CRTAP: variants seen among roughly 807,000 people sequenced by gnomAD.
CRTAP encodes cartilage associated protein, also known as cartilage-associated protein.
CRTAP carries 33 observed loss-of-function variants against 42.7 expected under a neutral mutation model. The observed-to-expected ratio is 0.77, with a 90% CI of 0.59 to 1.03. CRTAP has a LOEUF of 1.03. Ranked by LOEUF, CRTAP falls within the 50% of genes least tolerant of loss-of-function variation. The probability of loss-of-function intolerance (pLI) is 0.00; values close to 1 mark genes in which losing one functional copy is unlikely to be tolerated. For missense variants in CRTAP, 613 were observed against 533.9 expected (o/e 1.15, Z -1.46); for synonymous variants, 243 against 217.7 (o/e 1.12, Z -1.02).
chr3:33,117,951 C>T (rs1194103846), intron 1 of CRTAP, among the ~76,000 whole-genome samples: 2 of 143,720 alleles, frequency 1.4e-5, no homozygotes, highest in African/African-American at 2.6e-5. Context: ...TCTTTCTATT[C>T]CTTTCTTTCT....
chr3:33,139,498 C>T (rs541326937), intron 6 of CRTAP, among the ~76,000 whole-genome samples: 23 of 136,476 alleles, frequency 1.7e-4, no homozygotes, highest in South Asian at 4.7e-4. Context: ...TTTTTTGAGA[C>T]GGAGTTTCAC....
chr3:33,119,575 T>G (rs1236600046), intron 1 of CRTAP, among the ~76,000 whole-genome samples: 1 of 152,172 alleles, frequency 6.6e-6, no homozygotes, highest in Non-Finnish European at 1.5e-5. Context: ...CGTTTATTGC[T>G]GCATGAATGG....
chr3:33,133,689 T>C (rs2030339428), intron 5 of CRTAP, among the ~76,000 whole-genome samples: 1 of 152,250 alleles, frequency 6.6e-6, no homozygotes, highest in Non-Finnish European at 1.5e-5. Context: ...TGACAATTTG[T>C]CGTGAATATT....
chr3:33,134,392 TC>T (rs1218031100), intron 6 of CRTAP, 127 bp downstream of exon 6: 3 of 726,538 alleles, frequency 4.1e-6, no homozygotes, highest in Non-Finnish European at 7.5e-6. Context: ...GAAAGACAGT[TC>T]CTGTGGGTGT....
intron 6 of CRTAP, among the ~76,000 whole-genome samples, chr3:33,136,876 A>T (rs1305699612): frequency 2.0e-5 from 3 of 152,078 alleles, no homozygotes; most frequent in Non-Finnish European, 4.4e-5. Flanking sequence ...TTTCAACATG[A>T]GATTTGGAGG....
In CRTAP at chr3:33,142,558, A is replaced by G; in HGVS notation, c.*110A>G. On this transcript the variant is annotated 3_prime_UTR_variant, in exon 7 of 7. Coordinates refer to ENST00000320954, the MANE Select transcript of CRTAP (RefSeq NM_006371.5). ...CCTCAGAGCCTTCTCTTTACTCTCC[A>G]AAGTGAAAGGGAAGCCCCCGTCTCT... 9.4e-7 allele frequency: 1 copy of G among 1,063,290 alleles called. No individual in the cohort carries two copies. The highest frequency in any genetic ancestry group is 1.3e-5 in the South Asian group (1 of 76,858). 65.9% of individuals were successfully genotyped at this position (1,063,290 alleles called of 1,614,324 possible).
chr3:33,129,916 A>G, intron 3 of CRTAP, 23 bp from the exon 4 acceptor site: 1 of 1,610,278 alleles, frequency 6.2e-7, no homozygotes, highest in Non-Finnish European at 8.5e-7. Context: ...CACTGCTCTG[A>G]AAATTTATAT....
intron 2 of CRTAP, among the ~76,000 whole-genome samples, chr3:33,122,269 CCTT>C (rs1391928276): frequency 6.6e-6 from 1 of 151,854 alleles, no homozygotes; most frequent in African/African-American, 2.4e-5. Context: ...TCTGCTTGGT[CCTT>C]CTTGCTGCTG....
chr3:33,140,264 G>A (rs1042821267), intron 6 of CRTAP, among the ~76,000 whole-genome samples: 3 of 152,158 alleles, frequency 2.0e-5, no homozygotes, highest in Admixed American at 1.3e-4. Flanking sequence ...TAATGAACAC[G>A]CCAAGCTTAT....
chr3:33,123,966 C>A (rs1278502264), intron 2 of CRTAP, among the ~76,000 whole-genome samples: 3 of 152,178 alleles, frequency 2.0e-5, no homozygotes, highest in Admixed American at 2.0e-4. Context: ...ATATATTTAT[C>A]AATTTTAAGT....
At position 33,124,559 on chromosome 3, in the gene CRTAP, A is replaced by G. The variant is rs962824747; in HGVS notation, c.773A>G (p.Asp258Gly). ...TCCAGGGAGATCAAGGACTTCAAGG[A>G]TTTCTACCTTTCCATAGCAGGTTGG... ...EGSREIKDFK[D>G]FYLSIADHYV... Residue 258 changes from aspartate to glycine, a missense_variant, in exon 3 of 7, where the codon GAT becomes GGT. Asp to Gly is a moderately conservative substitution (Grantham distance 94, BLOSUM62 -1). Transcript: ENST00000320954. 5 of 1,614,050 alleles carry G rather than the reference A, an allele frequency of 3.1e-6. No individual in the cohort carries two copies. The highest frequency in any genetic ancestry group is 3.4e-6 in the Non-Finnish European group (4 of 1,180,032).
intron 6 of CRTAP, among the ~76,000 whole-genome samples, chr3:33,137,235 G>C (rs1477246192): frequency 1.3e-5 from 2 of 152,070 alleles, no homozygotes; most frequent in Non-Finnish European, 2.9e-5. Flanking sequence ...CCGCCTCCCA[G>C]GTTCAAGTGA....
At position 33,114,083 on chromosome 3, in the gene CRTAP, G is replaced by A. The variant is rs13090149; in HGVS notation, c.6G>A (p.Glu2=). 2.1e-6 allele frequency: 3 copies of A among 1,459,958 alleles called. No homozygotes were observed. The Admixed American group carries it at 7.7e-5, about 38-fold the overall frequency. 90.4% of individuals were successfully genotyped at this position (1,459,958 alleles called of 1,614,324 possible). A position where few individuals can be genotyped will look rare whatever the true frequency, so the allele number is the denominator to read the frequency against. M[E]PGRRGAAALL... is the part of the protein sequence containing the mutation. ...CCTTCCTTTCGCCGGGCGCGATGGA[G>A]CCGGGGCGCCGGGGGGCCGCGGCGC... The change falls in exon 1 of 7, where the codon GAG becomes GAA. Residue 2 remains glutamate (E), a synonymous_variant. Coordinates refer to ENST00000320954, the MANE Select transcript of CRTAP (RefSeq NM_006371.5).
chr3:33,126,309 G>A (rs75576169), intron 3 of CRTAP, among the ~76,000 whole-genome samples: 18,426 of 151,708 alleles, frequency 0.12, 1,708 homozygotes, highest in East Asian at 0.55. Context: ...TTTATGGCTC[G>A]TTTAATCCAT....
intron 4 of CRTAP, among the ~76,000 whole-genome samples, chr3:33,131,647 G>A (rs2030266055): frequency 6.6e-6 from 1 of 152,134 alleles, no homozygotes; most frequent in South Asian, 2.1e-4. Context: ...CCTGAAATGA[G>A]CTTCCTGAAA....
chr3:33,134,109 C>T, intron 5 of CRTAP, 73 bp from the exon 6 acceptor site: 1 of 1,014,928 alleles, frequency 9.9e-7, no homozygotes, highest in Non-Finnish European at 1.6e-6. Flanking sequence ...ACCCCATATC[C>T]TGTTCCTCCC....
At position 33,143,277 on chromosome 3, in the gene CRTAP, G is replaced by A. The variant is rs1395641462; in HGVS notation, c.*829G>A. The A allele has an allele frequency of 6.6e-6, 1 of 152,238 alleles. No individual in the cohort carries two copies. Among genetic ancestry groups the A allele is most frequent in the Non-Finnish European group, 1.5e-5 (1 of 68,058 alleles). 9.4% of individuals were successfully genotyped at this position (152,238 alleles called of 1,614,324 possible). On this transcript the variant is annotated 3_prime_UTR_variant, in exon 7 of 7. Transcript: ENST00000320954. ...GGCTAAATTTCTCCAGCCTCACAAT[G>A]GTCTTCACTTGGTCTGACTTGTACC...
intron 3 of CRTAP, among the ~76,000 whole-genome samples, chr3:33,127,099 C>CT (rs11302536): frequency 2.4e-4 from 33 of 135,906 alleles, no homozygotes; most frequent in South Asian, 1.2e-3. Flanking sequence ...AGATTTGTGG[C>CT]TTTTTTTTTT....
At chr3:33,124,073 T>G (rs2029983471) in intron 2 of CRTAP, among the ~76,000 whole-genome samples, 1 of 152,232 alleles carries the variant, frequency 6.6e-6, no homozygotes, top group South Asian at 2.1e-4. Flanking sequence ...CAATTTCCTC[T>G]TGTCCTTTTG....
Sources: allele counts gnomAD v4.1 joint callset (sites outside exome capture counted in the v4.1 genomes callset), GRCh38; gene constraint gnomAD v4.1.1; transcripts MANE v1.5; gene names NCBI Gene and HGNC (gene_info 2026-07-23, HGNC 2026-07-21).